Variants in HSD17B12 observed in about 807,000 individuals in gnomAD.
HSD17B12 encodes the protein very-long-chain 3-oxoacyl-CoA reductase.
Under a neutral mutation model 39.3 loss-of-function variants are expected in HSD17B12, and 32 were observed. That is an observed-to-expected ratio of 0.81 (90% confidence interval 0.61 to 1.09). HSD17B12 has a LOEUF of 1.09. Ranked by LOEUF, HSD17B12 falls within the 50% of genes least tolerant of loss-of-function variation. HSD17B12 has a pLI of 0.00. For missense variants in HSD17B12, 342 were observed against 382.9 expected (o/e 0.89, Z 0.89); for synonymous variants, 150 against 146.7 (o/e 1.02, Z -0.16).
chr11:43,730,048 T>A (rs55810401), intron 1 of HSD17B12, among the ~76,000 whole-genome samples: 2 of 150,920 alleles, frequency 1.3e-5, no homozygotes, highest in Non-Finnish European at 3.0e-5. Flanking sequence ...GTGTGTGTGT[T>A]TTTTTTTTAA....
In HSD17B12 at chr11:43,705,666, A is replaced by G. The variant is rs936704796; in HGVS notation, c.160+24679A>G. 3.3e-5 allele frequency among the ~76,000 whole-genome samples: 5 copies of G among 151,954 alleles called. No individual in the cohort carries two copies. In the South Asian group the frequency reaches 8.3e-4, roughly 25 times the overall value. ...ATTTTTCCATATTAATGTATTAAGT[A>G]TAAAGGTTGTGAAATCCATTTCAGA... On this transcript the variant is annotated intron_variant, in intron 1 of 10. Transcript: ENST00000278353.
chr11:43,585,737 C>A, the HSD17B12 span, among the ~76,000 whole-genome samples: 1 of 152,140 alleles, frequency 6.6e-6, no homozygotes, highest in Non-Finnish European at 1.5e-5. Flanking sequence ...TATCTTTGGG[C>A]AATAGGGTTG....
At chr11:43,640,193 A>C in the HSD17B12 span, among the ~76,000 whole-genome samples, 10 of 152,096 alleles carry the variant, frequency 6.6e-5, no homozygotes. Context: ...TAGGAAAAAC[A>C]CTGTGGGGAG....
the HSD17B12 span, among the ~76,000 whole-genome samples, chr11:43,672,111 T>G: frequency 6.6e-6 from 1 of 152,098 alleles, no homozygotes; most frequent in Admixed American, 6.5e-5. Flanking sequence ...TGCAGTGGCA[T>G]GATCTCGGCT....
the HSD17B12 span, among the ~76,000 whole-genome samples, chr11:43,615,443 A>ACT: frequency 6.6e-6 from 1 of 152,030 alleles, no homozygotes; most frequent in African/African-American, 2.4e-5. Context: ...TATTTCTGGA[A>ACT]CTCTCTCTCT....
At chr11:43,736,440 G>A (rs961440841) in intron 1 of HSD17B12, among the ~76,000 whole-genome samples, 2 of 152,162 alleles carry the variant, frequency 1.3e-5, no homozygotes, top group African/African-American at 2.4e-5. Context: ...GTCGAAGAGA[G>A]GGCTGCTCAG....
the HSD17B12 span, among the ~76,000 whole-genome samples, chr11:43,564,717 G>T: frequency 6.6e-6 from 1 of 152,114 alleles, no homozygotes; most frequent in Non-Finnish European, 1.5e-5. Flanking sequence ...GATCAAAGTT[G>T]TTTTGACTTG....
the HSD17B12 span, among the ~76,000 whole-genome samples, chr11:43,670,826 A>G: frequency 6.6e-6 from 1 of 152,200 alleles, no homozygotes; most frequent in African/African-American, 2.4e-5. Context: ...TCAAGGCTGC[A>G]GTGAGCTATG....
chr11:43,602,947 C>G, the HSD17B12 span, among the ~76,000 whole-genome samples: 1 of 152,008 alleles, frequency 6.6e-6, no homozygotes, highest in Non-Finnish European at 1.5e-5. Context: ...TCCTGGAGAG[C>G]TTGTTTCATT....
chr11:43,626,581 A>G, the HSD17B12 span, among the ~76,000 whole-genome samples: 1 of 151,906 alleles, frequency 6.6e-6, no homozygotes, highest in Non-Finnish European at 1.5e-5. Context: ...ATGCTAAAAC[A>G]ATGGTTTCAG....
the HSD17B12 span, among the ~76,000 whole-genome samples, chr11:43,630,788 T>G: frequency 6.6e-6 from 1 of 151,552 alleles, no homozygotes; most frequent in South Asian, 2.1e-4. Flanking sequence ...CTTAATAGCT[T>G]AATAATTTTT....
intron 6 of HSD17B12, among the ~76,000 whole-genome samples, chr11:43,827,493 GA>G (rs1951255944): frequency 2.6e-5 from 4 of 152,228 alleles, no homozygotes; most frequent in Admixed American, 2.6e-4. Flanking sequence ...GAGTAAAACA[GA>G]AAAAGTTTTA....
chr11:43,795,755 C>A (rs1483471186), intron 3 of HSD17B12, among the ~76,000 whole-genome samples: 1 of 152,170 alleles, frequency 6.6e-6, no homozygotes, highest in Non-Finnish European at 1.5e-5. Context: ...TGTTGAGCAA[C>A]TGAACAAAAC....
Position 43,680,975 on chromosome 11 carries a change from G to C in HSD17B12, c.148G>C (p.Gly50Arg). The change falls in exon 1 of 11, where the codon GGA (glycine) becomes CGA (arginine). Residue 50 changes from glycine to arginine, a missense_variant. Coordinates refer to ENST00000278353, the MANE Select transcript of HSD17B12 (RefSeq NM_016142.3). ...GNEAGVGPGLGEWAVVTGSTD... is the reference protein window; with the variant it reads ...GNEAGVGPGLREWAVVTGSTD... ...TGAGGCGGGGGTCGGCCCGGGGCTC[G>C]GAGAATGGGCAGGTGAGTCGGATGC... The C allele has an allele frequency of 6.2e-7, 1 of 1,604,440 alleles. No individual in the cohort carries two copies. Among genetic ancestry groups the C allele is most frequent in the Non-Finnish European group, 8.5e-7 (1 of 1,174,128 alleles).
chr11:43,574,482 G>A, the HSD17B12 span, among the ~76,000 whole-genome samples: 4 of 152,188 alleles, frequency 2.6e-5, no homozygotes, highest in Admixed American at 2.0e-4. Flanking sequence ...CATTTAAGGA[G>A]GGTGATTTGT....
upstream of HSD17B12, among the ~76,000 whole-genome samples, chr11:43,676,237 A>G (rs10838148): frequency 0.25 from 18,616 of 74,878 alleles, 1,813 homozygotes; most frequent in East Asian, 0.64. Context: ...GTGTGTGTGT[A>G]TGTGTTAAGC....
chr11:43,623,083 A>C, the HSD17B12 span, among the ~76,000 whole-genome samples: 8 of 152,190 alleles, frequency 5.3e-5, no homozygotes, highest in Admixed American at 5.2e-4. Flanking sequence ...AAAAGGAAAA[A>C]TAGTGTTGCT....
intron 9 of HSD17B12, among the ~76,000 whole-genome samples, chr11:43,850,420 C>T (rs913109600): frequency 2.0e-5 from 3 of 152,076 alleles, no homozygotes; most frequent in African/African-American, 7.2e-5. Flanking sequence ...ATTTAATGCT[C>T]GGTAAAGGCA....
upstream of HSD17B12, among the ~76,000 whole-genome samples, chr11:43,678,080 C>T (rs1004263593): frequency 1.9e-4 from 29 of 152,220 alleles, no homozygotes; most frequent in African/African-American, 5.8e-4. Context: ...TTCTCCACAT[C>T]CTCTCCAGAA....
Sources: gnomAD v4.1 joint callset for allele counts (sites outside exome capture counted in the v4.1 genomes callset) on GRCh38, gnomAD v4.1.1 for gene constraint, MANE v1.5 for transcripts, NCBI Gene and HGNC (gene_info 2026-07-23, HGNC 2026-07-21) for gene names.